The following CSMD1 variants were observed in gnomAD, a reference collection of about 807,000 sequenced individuals.
The protein encoded by CSMD1 is CUB and sushi domain-containing protein 1.
Under a neutral mutation model 417.5 loss-of-function variants are expected in CSMD1, and 213 were observed. The observed-to-expected ratio is 0.51, with a 90% CI of 0.46 to 0.57. The LOEUF is 0.57. CSMD1 is among the 20% of genes least tolerant of loss of function. The pLI is 0.00. For synonymous variants in CSMD1, 2,862 were observed against 1,736.8 expected (o/e 1.65, Z -16.11); for missense variants, 6,923 against 4,529.7 (o/e 1.53, Z -15.17).
At chr8:3,684,774 G>A (rs1293578846) in intron 7 of CSMD1, among the ~76,000 whole-genome samples, 1 of 151,890 alleles carries the variant, frequency 6.6e-6, no homozygotes, top group East Asian at 1.9e-4. Flanking sequence ...GAGCTTGACG[G>A]CAGCCTAATT....
At chr8:4,896,341 G>C (rs901078708) in intron 1 of CSMD1, among the ~76,000 whole-genome samples, 4 of 151,890 alleles carry the variant, frequency 2.6e-5, no homozygotes, top group Admixed American at 2.6e-4. Flanking sequence ...ACTTTAATCT[G>C]CATATTTGAG....
At chr8:2,963,087 T>G in intron 60 of CSMD1, 135 bp downstream of exon 60, 1 of 937,558 alleles carries the variant, frequency 1.1e-6, no homozygotes, top group Non-Finnish European at 1.6e-6. Context: ...AGTCTCAAGT[T>G]TGAGTTTTTG....
intron 3 of CSMD1, among the ~76,000 whole-genome samples, chr8:4,045,349 G>T (rs1362649092): frequency 6.6e-6 from 1 of 152,180 alleles, no homozygotes; most frequent in Non-Finnish European, 1.5e-5. Flanking sequence ...TATGATATGA[G>T]CAGACGAACG....
At position 4,623,074 on chromosome 8, in the gene CSMD1, G is replaced by C. The variant is rs536092018; in HGVS notation, c.302+14268C>G. Among the ~76,000 whole-genome samples, 213 of 152,014 alleles carry C rather than the reference G, an allele frequency of 1.4e-3. 2 individuals are homozygous for C. The highest frequency in any genetic ancestry group is 1.7e-3 in the Non-Finnish European group (117 of 68,016). On this transcript the variant is annotated intron_variant, in intron 2 of 69. Coordinates refer to ENST00000635120, the MANE Select transcript of CSMD1 (RefSeq NM_033225.6). ...ATTAAAAGGATAAATGTTGGTGGAA[G>C]GAATTACCTATAATACATATTTCAG...
chr8:4,111,510 G>C (rs551056474), intron 3 of CSMD1, among the ~76,000 whole-genome samples: 1 of 152,148 alleles, frequency 6.6e-6, no homozygotes, highest in Non-Finnish European at 1.5e-5. Context: ...CAAAGACATG[G>C]AATCCACCCA....
At chr8:4,622,734 T>C (rs1327974134) in intron 2 of CSMD1, among the ~76,000 whole-genome samples, 1 of 152,086 alleles carries the variant, frequency 6.6e-6, no homozygotes, top group Non-Finnish European at 1.5e-5. Flanking sequence ...TTCCTCACTT[T>C]TACCACTTCC....
intron 3 of CSMD1, among the ~76,000 whole-genome samples, chr8:4,410,151 A>C (rs965111445): frequency 6.6e-6 from 1 of 152,176 alleles, no homozygotes; most frequent in Admixed American, 6.5e-5. Context: ...TTCTAGGCTA[A>C]TCTAGGCCAA....
chr8:3,994,855 A>G (rs554988335), intron 5 of CSMD1, among the ~76,000 whole-genome samples: 1 of 152,162 alleles, frequency 6.6e-6, no homozygotes, highest in African/African-American at 2.4e-5. Flanking sequence ...ACAATTTTCC[A>G]AGTAGCTTCT....
intron 52 of CSMD1, among the ~76,000 whole-genome samples, chr8:3,001,009 T>C (rs1284424848): frequency 2.0e-5 from 3 of 151,812 alleles, no homozygotes; most frequent in Non-Finnish European, 2.9e-5. Context: ...TGGCAGGGTC[T>C]TGCTCTGTCA....
chr8:4,460,199 AAAT>A (rs1799728379), intron 2 of CSMD1, among the ~76,000 whole-genome samples: 2 of 152,328 alleles, frequency 1.3e-5, no homozygotes, highest in Admixed American at 6.5e-5. Context: ...AGAATTTGAG[AAAT>A]AATAGAATAC....
chr8:3,210,421 CTA>C (rs141200377), intron 30 of CSMD1, among the ~76,000 whole-genome samples: 1 of 69,418 alleles, frequency 1.4e-5, no homozygotes. Flanking sequence ...TATATATGAC[CTA>C]TATATATATA....
intron 3 of CSMD1, among the ~76,000 whole-genome samples, chr8:4,059,002 C>G (rs889643256): frequency 2.6e-5 from 4 of 152,096 alleles, no homozygotes; most frequent in African/African-American, 9.7e-5. Context: ...CTTTTCAGAA[C>G]CACACCACAC....
chr8:3,990,437 T>C (rs898142154), intron 5 of CSMD1, among the ~76,000 whole-genome samples: 5 of 152,202 alleles, frequency 3.3e-5, no homozygotes, highest in South Asian at 2.1e-4. Context: ...ATTTTTCCTA[T>C]TGGTCCCATC....
chr8:4,400,485 T>A (rs1314756631), intron 3 of CSMD1, among the ~76,000 whole-genome samples: 1 of 152,224 alleles, frequency 6.6e-6, no homozygotes, highest in Non-Finnish European at 1.5e-5. Context: ...ATTCTTGTGT[T>A]CAGCAACATC....
At chr8:3,291,391 A>G (rs1448311750) in intron 25 of CSMD1, among the ~76,000 whole-genome samples, 1 of 152,116 alleles carries the variant, frequency 6.6e-6, no homozygotes, top group African/African-American at 2.4e-5. Flanking sequence ...GAATAATTGA[A>G]TAAGGATTGG....
At chr8:4,923,086 G>A (rs2117152473) in intron 1 of CSMD1, among the ~76,000 whole-genome samples, 1 of 152,218 alleles carries the variant, frequency 6.6e-6, no homozygotes, top group East Asian at 1.9e-4. Context: ...CTTAAAAAAT[G>A]ATTTGAAATA....
At chr8:4,084,963 G>A (rs956614299) in intron 3 of CSMD1, among the ~76,000 whole-genome samples, 1 of 152,178 alleles carries the variant, frequency 6.6e-6, no homozygotes, top group Non-Finnish European at 1.5e-5. Context: ...GCAGAAAGAA[G>A]GAGATGGCCA....
chr8:4,890,304 G>A (rs1251009770), intron 1 of CSMD1, among the ~76,000 whole-genome samples: 1 of 152,156 alleles, frequency 6.6e-6, no homozygotes, highest in African/African-American at 2.4e-5. Flanking sequence ...GAAGTAAGCT[G>A]AAAAGGAGAG....
chr8:3,983,850 T>C (rs1029935563), intron 5 of CSMD1, among the ~76,000 whole-genome samples: 2 of 149,860 alleles, frequency 1.3e-5, no homozygotes, highest in Non-Finnish European at 3.0e-5. Flanking sequence ...CGGCTGTCAA[T>C]TGCAACTCTA....
Sources: gnomAD v4.1 joint callset for allele counts (sites outside exome capture counted in the v4.1 genomes callset) on GRCh38, gnomAD v4.1.1 for gene constraint, MANE v1.5 for transcripts, NCBI Gene and HGNC (gene_info 2026-07-23, HGNC 2026-07-21) for gene names.